Variants in NLRP7 observed in about 807,000 individuals in gnomAD.
NLRP7 encodes the protein NLR family pyrin domain containing 7.
In NLRP7, 72 loss-of-function variants were observed where a neutral mutation model predicts 85.5. The ratio of observed to expected loss-of-function variants is 0.84; its 90% CI spans 0.70 to 1.02. The LOEUF (loss-of-function observed/expected upper bound fraction) is 1.02, where lower values mean the gene tolerates loss of function less well. Ranked by LOEUF, NLRP7 falls within the 50% of genes least tolerant of loss-of-function variation. The pLI is 0.00. For synonymous variants in NLRP7, 550 were observed against 505.2 expected, an observed-to-expected ratio of 1.09 and a Z score of -1.19; for missense variants, 1,243 against 1,219.5, an observed-to-expected ratio of 1.02 and a Z score of -0.29.
chr19:54,934,638 G>C lies in NLRP7; in HGVS notation c.2322C>G (p.Thr774=). The change falls in exon 7 of 10, where the codon ACC becomes ACG. Residue 774 remains threonine, a synonymous_variant. Coordinates refer to ENST00000340844, the Ensembl canonical transcript of NLRP7. The surrounding 1 kb of genome is among the most constrained non-coding windows in gnomAD (Gnocchi z 6.7). ...AGAAGAATTCAGCCCACTGCTCCGG[G>C]GTGGCACAGTGACCTCCCAACCTGT... The C allele has an allele frequency of 1.2e-6, 2 of 1,613,746 alleles. No individual in the cohort carries two copies. Among genetic ancestry groups the C allele is most frequent in the Non-Finnish European group, 1.7e-6 (2 of 1,179,858 alleles).
At chr19:54,953,593 C>T (rs542219274) in intron 1 of NLRP7, among the ~76,000 whole-genome samples, 1 of 149,134 alleles carries the variant, frequency 6.7e-6, no homozygotes, top group African/African-American at 2.6e-5. Context: ...TCCTGGGGCG[C>T]GGGGCTGTCT....
At chr19:54,939,153 G>T in exon 4 of NLRP7, 1 of 1,614,242 alleles carries the variant, frequency 6.2e-7, no homozygotes, top group Non-Finnish European at 8.5e-7. Flanking sequence ...GCATGAAGAT[G>T]TGCTTTGCAT....
At chr19:54,930,818 C>A (rs543814597) in intron 8 of NLRP7, 152 bp from the exon 9 acceptor site, 10 of 699,452 alleles carry the variant, frequency 1.4e-5, no homozygotes, top group Middle Eastern at 7.8e-4. Flanking sequence ...CAGGTTCAAG[C>A]GATTCTTCTG....
intron 1 of NLRP7, among the ~76,000 whole-genome samples, chr19:54,956,841 G>T (rs2069873446): frequency 6.6e-6 from 1 of 151,464 alleles, no homozygotes; most frequent in African/African-American, 2.4e-5. Flanking sequence ...TGTTGGCCAG[G>T]CTTGTCTCGA....
At chr19:54,930,192 C>T (rs1433147028) in intron 9 of NLRP7, among the ~76,000 whole-genome samples, 1 of 151,238 alleles carries the variant, frequency 6.6e-6, no homozygotes, top group African/African-American at 2.4e-5. Context: ...TGAGGCCAGG[C>T]ATGATGGCTC....
chr19:54,938,228 T>C (rs1460424415), exon 5 of NLRP7: 1 of 1,613,810 alleles, frequency 6.2e-7, no homozygotes, highest in African/African-American at 1.3e-5. Flanking sequence ...TTCGGAATGG[T>C]TAGGTAAGTG....
chr19:54,962,128 A>G (rs1602248872), intron 1 of NLRP7, among the ~76,000 whole-genome samples: 1 of 145,986 alleles, frequency 6.8e-6, no homozygotes, highest in East Asian at 2.1e-4. Flanking sequence ...GCGCCATTGC[A>G]CTCCAGCCTG....
rs773937591 is a variant in NLRP7 at position 54,933,549 on chromosome 19, C to A, written c.2642+20G>T. The A allele has an allele frequency of 4.3e-6, 7 of 1,613,668 alleles. No individual in the cohort carries two copies. The African/African-American group carries it at 5.3e-5, about 12-fold the overall frequency. On this transcript the variant is annotated intron_variant, in intron 8 of 9. Transcript: ENST00000340844. ...GCTTGAATTCATGTGCACACACACA[C>A]ACACCCAGCAGGGACTTACACCAAG...
chr19:54,933,232 G>A (rs990248017), intron 8 of NLRP7, among the ~76,000 whole-genome samples: 5 of 151,948 alleles, frequency 3.3e-5, no homozygotes, highest in Non-Finnish European at 5.9e-5. Context: ...TGCAACCTCC[G>A]CCTTCCAGGT....
chr19:54,960,817 G>A (rs896751588), intron 1 of NLRP7, among the ~76,000 whole-genome samples: 2 of 151,580 alleles, frequency 1.3e-5, no homozygotes, highest in African/African-American at 2.4e-5. Flanking sequence ...GGATGGTCTC[G>A]ATCTCCTGAC....
chr19:54,929,905 G>C (rs1486930208), intron 9 of NLRP7, among the ~76,000 whole-genome samples: 2 of 151,330 alleles, frequency 1.3e-5, no homozygotes, highest in African/African-American at 4.9e-5. Context: ...ATGAGGTCAG[G>C]AGATCGAGAC....
chr19:54,938,016 C>A (rs1172475881), intron 5 of NLRP7, 28 bp downstream of exon 5: 2 of 1,570,892 alleles, frequency 1.3e-6, no homozygotes, highest in African/African-American at 2.7e-5. Flanking sequence ...CGTTCAGGGT[C>A]TTCCTTGCAA....
At chr19:54,948,848 T>G (rs1203719740), upstream of NLRP7, 1 of 155,742 alleles carries the variant, frequency 6.4e-6, no homozygotes, top group Non-Finnish European at 1.4e-5. Flanking sequence ...CTAAAATTGT[T>G]TTTAAATAAA....
upstream of NLRP7, among the ~76,000 whole-genome samples, chr19:54,950,853 G>A (rs1315514353): frequency 6.6e-6 from 1 of 152,184 alleles, no homozygotes; most frequent in Admixed American, 6.6e-5. Context: ...CTGAGGGACG[G>A]TCAGGTCTTT....
At chr19:54,941,930 T>TG (rs1327444296) in intron 1 of NLRP7, among the ~76,000 whole-genome samples, 180 bp from the exon 2 acceptor site, 3 of 151,748 alleles carry the variant, frequency 2.0e-5, no homozygotes, top group Non-Finnish European at 4.4e-5. Flanking sequence ...GGCCAGGAGT[T>TG]CGAGACCAGC....
chr19:54,948,431 A>C (rs531395201), upstream of NLRP7, among the ~76,000 whole-genome samples: 79 of 152,148 alleles, frequency 5.2e-4, no homozygotes, highest in African/African-American at 1.8e-3. Context: ...TGCACCTGTA[A>C]TCCCAGCTAT....
At chr19:54,942,480 T>C (rs1265123790) in intron 1 of NLRP7, among the ~76,000 whole-genome samples, 2 of 151,946 alleles carry the variant, frequency 1.3e-5, no homozygotes, top group Admixed American at 6.6e-5. Context: ...TCCCAGCACT[T>C]TGGGAGGCCA....
intron 1 of NLRP7, among the ~76,000 whole-genome samples, chr19:54,962,912 A>T (rs1186273829): frequency 1.3e-5 from 2 of 152,086 alleles, no homozygotes; most frequent in Admixed American, 6.6e-5. Context: ...TCACTTTCTT[A>T]TTCTTTCTAG....
At chr19:54,930,232 C>T (rs186145344) in intron 9 of NLRP7, among the ~76,000 whole-genome samples, 1 of 151,834 alleles carries the variant, frequency 6.6e-6, no homozygotes, top group Non-Finnish European at 1.5e-5. Context: ...ATTGGGAGGC[C>T]GAGGTGGGAG....
Sources: gnomAD v4.1 joint callset for allele counts (sites outside exome capture counted in the v4.1 genomes callset) on GRCh38, gnomAD v4.1.1 for gene constraint, Gnocchi (gnomAD v3.1) non-coding constraint, MANE v1.5 for transcripts, NCBI Gene and HGNC (gene_info 2026-07-23, HGNC 2026-07-21) for gene names.